GLIS3: variants seen among roughly 807,000 people sequenced by gnomAD.
The protein encoded by GLIS3 is GLIS family zinc finger 3, also known as zinc finger protein GLIS3.
GLIS3 carries 53 observed loss-of-function variants against 78.6 expected under a neutral mutation model. The observed-to-expected ratio is 0.67, with a 90% CI of 0.54 to 0.85. GLIS3 has a LOEUF of 0.85. GLIS3 is among the 40% of genes least tolerant of loss of function. The pLI, the probability that GLIS3 is intolerant of heterozygous loss-of-function variation, is 0.00. For synonymous variants in GLIS3, 684 were observed against 509.9 expected (o/e 1.34, Z -4.60); for missense variants, 1,703 against 1,231.1 (o/e 1.38, Z -5.74).
At chr9:4,468,937 G>A in the GLIS3 span, among the ~76,000 whole-genome samples, 2 of 152,060 alleles carry the variant, frequency 1.3e-5, no homozygotes, top group South Asian at 2.1e-4. Flanking sequence ...AAGGGATGGA[G>A]GAAGATCTAC....
the GLIS3 span, among the ~76,000 whole-genome samples, chr9:4,412,261 A>C: frequency 6.6e-6 from 1 of 152,204 alleles, no homozygotes; most frequent in East Asian, 1.9e-4. Context: ...AGAGGTGAAC[A>C]ATGTGACTTT....
the GLIS3 span, among the ~76,000 whole-genome samples, chr9:4,482,523 A>T: frequency 6.6e-6 from 1 of 152,068 alleles, no homozygotes; most frequent in African/African-American, 2.4e-5. Context: ...GCTGAAGGAG[A>T]CTCTGGTACT....
intron 7 of GLIS3, among the ~76,000 whole-genome samples, chr9:3,892,013 TTCTC>T (rs1044843195): frequency 7.9e-5 from 12 of 152,140 alleles, no homozygotes; most frequent in African/African-American, 2.7e-4. Context: ...AAAAAGGACT[TTCTC>T]TACGTCCCCA....
chr9:4,434,094 C>A, the GLIS3 span, among the ~76,000 whole-genome samples: 3,103 of 98,928 alleles, frequency 0.031, no homozygotes, highest in African/African-American at 0.037. Flanking sequence ...GACTCTGTCT[C>A]AAAAAAAAAA....
intron 6 of GLIS3, among the ~76,000 whole-genome samples, chr9:3,901,920 T>TTTATC (rs1823333415): frequency 6.6e-6 from 1 of 152,204 alleles, no homozygotes; most frequent in Non-Finnish European, 1.5e-5. Context: ...TCACTTTTAA[T>TTTATC]TTATCTTCTA....
chr9:4,095,943 T>C (rs777153902), intron 4 of GLIS3, among the ~76,000 whole-genome samples: 1 of 149,114 alleles, frequency 6.7e-6, no homozygotes, highest in Non-Finnish European at 1.5e-5. Context: ...CAAACCTAAA[T>C]GGTTCTGCCT....
chr9:4,489,305 T>C, the GLIS3 span, among the ~76,000 whole-genome samples: 23 of 152,224 alleles, frequency 1.5e-4, no homozygotes, highest in Non-Finnish European at 2.9e-4. Flanking sequence ...TTGTAAATCT[T>C]AATCTATTAT....
At chr9:4,319,690 T>C (rs944039659) in intron 2 of GLIS3, among the ~76,000 whole-genome samples, 10 of 152,122 alleles carry the variant, frequency 6.6e-5, no homozygotes, top group Non-Finnish European at 1.2e-4. Flanking sequence ...CCACCACGCC[T>C]GGCTAATTTT....
Position 3,937,120 on chromosome 9 carries a change from C to T in GLIS3, c.1780G>A (p.Glu594Lys), listed in dbSNP as rs1825943481. The change falls in exon 5 of 11, where the codon GAG becomes AAG. Residue 594 changes from glutamate to lysine, a missense_variant. Glu to Lys is a moderately conservative substitution (Grantham distance 56). Transcript: ENST00000381971. ...GGATGCTGGCACAAATACGGCTTCTCGCCTGTGTGGCTCCGCAAGTGGATC... is the reference window on the plus strand; with the variant it reads ...GGATGCTGGCACAAATACGGCTTCTTGCCTGTGTGGCTCCGCAAGTGGATC... ...LKIHLRSHTG[E>K]KPYLCQHPGC... 4.3e-6 allele frequency: 7 copies of T among 1,613,962 alleles called. No homozygotes were observed. The highest frequency in any genetic ancestry group is 2.2e-5 in the East Asian group (1 of 44,892).
At chr9:4,387,409 C>G in the GLIS3 span, among the ~76,000 whole-genome samples, 2 of 152,118 alleles carry the variant, frequency 1.3e-5, no homozygotes, top group African/African-American at 4.8e-5. Flanking sequence ...TTTCCGATTT[C>G]AGCATGTCAT....
chr9:3,987,242 G>C (rs370913631), intron 4 of GLIS3, among the ~76,000 whole-genome samples: 20 of 152,174 alleles, frequency 1.3e-4, no homozygotes, highest in African/African-American at 4.8e-4. Context: ...TAGTGGACTT[G>C]AGGGCAGGAC....
intron 4 of GLIS3, among the ~76,000 whole-genome samples, chr9:4,031,694 G>A (rs1370808801): frequency 6.6e-6 from 1 of 151,982 alleles, no homozygotes. Context: ...CCAAAAAGAT[G>A]GGGAAAAAGA....
the GLIS3 span, among the ~76,000 whole-genome samples, chr9:4,399,785 C>G: frequency 1.2e-4 from 19 of 152,262 alleles, 2 homozygotes; most frequent in African/African-American, 4.3e-4. Context: ...TGAGCAGCTA[C>G]AGAAGAGGCA....
intron 4 of GLIS3, among the ~76,000 whole-genome samples, chr9:3,994,844 C>A (rs1250847321): frequency 6.6e-6 from 1 of 152,182 alleles, no homozygotes; most frequent in Non-Finnish European, 1.5e-5. Context: ...TTAAAAGAAT[C>A]TCTTTTTTAA....
Position 3,856,624 on chromosome 9 carries a change from T to A in GLIS3, c.2298-440A>T, listed in dbSNP as rs76091386. Among the ~76,000 whole-genome samples, 574 of 152,344 alleles carry A rather than the reference T, an allele frequency of 3.8e-3. 5 individuals carry two copies. The highest frequency in any genetic ancestry group is 0.013 in the African/African-American group (558 of 41,572). On this transcript the variant is annotated intron_variant, in intron 8 of 10. Transcript: ENST00000381971. Reference sequence around the variant, plus strand: ...CATTTTGTTTGTTTTGTAAGATATATCTGAGGTCCAAGAAGTGTTGTTACA... The same window carrying A: ...CATTTTGTTTGTTTTGTAAGATATAACTGAGGTCCAAGAAGTGTTGTTACA...
At chr9:4,477,543 T>C in the GLIS3 span, among the ~76,000 whole-genome samples, 1 of 151,890 alleles carries the variant, frequency 6.6e-6, no homozygotes, top group Non-Finnish European at 1.5e-5. Context: ...GTCTCTGGAG[T>C]AGCTGGGACT....
At chr9:4,365,845 T>A in the GLIS3 span, among the ~76,000 whole-genome samples, 1 of 152,246 alleles carries the variant, frequency 6.6e-6, no homozygotes, top group African/African-American at 2.4e-5. Context: ...GGTATCAATA[T>A]CTTCTTTTAA....
Position 4,117,825 on chromosome 9 carries a change from G to T in GLIS3, c.1653C>A (p.Arg551=), listed in dbSNP as rs147451000. The change falls in exon 4 of 11, where the codon CGC becomes CGA. Residue 551 remains arginine (R), a synonymous_variant. Transcript: ENST00000381971. ...CTCTCATGTGGATCAGCAGTTTATAGCGGGCGTTGAAGGGCTTGTATCTTC... is the reference window on the plus strand; with the variant it reads ...CTCTCATGTGGATCAGCAGTTTATATCGGGCGTTGAAGGGCTTGTATCTTC... The part of the protein sequence containing the change: ...CPRRYKPFNA[R]YKLLIHMRVH... 44 of 1,614,086 alleles carry T rather than the reference G, an allele frequency of 2.7e-5. No individual in the cohort carries two copies. The African/African-American group carries it at 5.7e-4, about 21-fold the overall frequency.
rs1430387071 is a variant in GLIS3, at chr9:3,824,809, C to T, written c.*3463G>A. On this transcript the variant is annotated 3_prime_UTR_variant, in exon 11 of 11. Coordinates refer to ENST00000381971, the MANE Select transcript of GLIS3 (RefSeq NM_001042413.2). ...ATTTCCACTTTTTTCCCCCAAAGTG[C>T]TTTATGTCAGCAACATTACACAGGA... 1 of 151,292 alleles carries T rather than the reference C, an allele frequency of 6.6e-6. No homozygotes were observed. The highest frequency in any genetic ancestry group is 1.5e-5 in the Non-Finnish European group (1 of 67,938). 9.4% of individuals were successfully genotyped at this position (151,292 alleles called of 1,614,324 possible). A position where few individuals can be genotyped will look rare whatever the true frequency, so the allele number is the denominator to read the frequency against.
Sources: allele counts gnomAD v4.1 joint callset (sites outside exome capture counted in the v4.1 genomes callset), GRCh38; gene constraint gnomAD v4.1.1; transcripts MANE v1.5; gene names NCBI Gene and HGNC (gene_info 2026-07-23, HGNC 2026-07-21).